HHIPL1: variants seen among roughly 807,000 people sequenced by gnomAD.
The protein encoded by HHIPL1 is HHIP like 1.
Under a neutral mutation model 61.8 loss-of-function variants are expected in HHIPL1, and 43 were observed. That is an observed-to-expected ratio of 0.70 (90% CI 0.55 to 0.90). The LOEUF (loss-of-function observed/expected upper bound fraction) is 0.90, where lower values mean the gene tolerates loss of function less well. Ranked by LOEUF, HHIPL1 falls within the 40% of genes least tolerant of loss-of-function variation. The probability of loss-of-function intolerance (pLI) is 0.00; values close to 1 mark genes in which losing one functional copy is unlikely to be tolerated. For missense variants in HHIPL1, 1,056 were observed against 1,157.7 expected (o/e 0.91, Z 1.28); for synonymous variants, 482 against 515.8 (o/e 0.93, Z 0.89).
chr14:99,666,154 A>G (rs575894543), intron 6 of HHIPL1, among the ~76,000 whole-genome samples: 2 of 152,268 alleles, frequency 1.3e-5, no homozygotes, highest in East Asian at 1.9e-4. Context: ...TTTAGGTTCT[A>G]TGACTGGCTT....
the HHIPL1 span, among the ~76,000 whole-genome samples, chr14:99,628,457 T>C: frequency 6.6e-6 from 1 of 151,670 alleles, no homozygotes; most frequent in Non-Finnish European, 1.5e-5. Context: ...GGCGGGCATC[T>C]GTAATCCCAG....
intron 5 of HHIPL1, 85 bp from the exon 6 acceptor site, chr14:99,662,791 A>G: frequency 8.0e-7 from 1 of 1,251,106 alleles, no homozygotes. Context: ...GGATACATGG[A>G]TGGATGGATG....
chr14:99,652,799 T>C lies in HHIPL1; in HGVS notation c.831T>C (p.Ser277=), dbSNP rs755339094. 6.8e-6 allele frequency: 11 copies of C among 1,614,046 alleles called. No individual in the cohort carries two copies. In the Admixed American group the frequency reaches 1.8e-4, roughly 27 times the overall value. ...YVYYSVGIRS[S]EWIRISEFRV... ...ACTACTCAGTGGGTATCCGCAGCAG[T>C]GAGTGGATCCGCATCAGCGAGTTCA... Residue 277 remains serine (S), a synonymous_variant, in exon 2 of 9, where the codon AGT becomes AGC. Transcript: ENST00000330710.
the HHIPL1 span, among the ~76,000 whole-genome samples, chr14:99,621,096 T>C: frequency 1.3e-5 from 2 of 152,224 alleles, no homozygotes; most frequent in African/African-American, 4.8e-5. Context: ...CTGCTCTTTA[T>C]GTTATGCCCA....
chr14:99,607,867 T>A, the HHIPL1 span, among the ~76,000 whole-genome samples: 1 of 152,124 alleles, frequency 6.6e-6, no homozygotes, highest in Non-Finnish European at 1.5e-5. Context: ...TCACTGAACA[T>A]AGAGGAAATC....
chr14:99,643,043 T>G (rs558531281), upstream of HHIPL1, among the ~76,000 whole-genome samples: 1 of 151,026 alleles, frequency 6.6e-6, no homozygotes, highest in Non-Finnish European at 1.5e-5. Context: ...CTGACTGACT[T>G]TTTTTTTTCT....
chr14:99,667,568 G>T (rs1208609935), intron 6 of HHIPL1, among the ~76,000 whole-genome samples: 1 of 152,002 alleles, frequency 6.6e-6, no homozygotes, highest in Non-Finnish European at 1.5e-5. Context: ...GATCACAGGG[G>T]GCCAAGCAGA....
chr14:99,610,408 A>T, the HHIPL1 span, among the ~76,000 whole-genome samples: 2 of 152,142 alleles, frequency 1.3e-5, no homozygotes, highest in Admixed American at 6.5e-5. Context: ...GTATCTGGGA[A>T]TCTCAGTGTT....
At chr14:99,626,199 C>T in the HHIPL1 span, among the ~76,000 whole-genome samples, 1 of 152,124 alleles carries the variant, frequency 6.6e-6, no homozygotes, top group Non-Finnish European at 1.5e-5. Flanking sequence ...CAGCAGGCAT[C>T]TGCTCTGGGC....
At chr14:99,631,037 C>T in the HHIPL1 span, among the ~76,000 whole-genome samples, 1 of 148,882 alleles carries the variant, frequency 6.7e-6, no homozygotes, top group Admixed American at 6.6e-5. Flanking sequence ...ATTCCATCTG[C>T]AGTGGCTCCA....
At chr14:99,664,269 T>C (rs1376062091) in intron 6 of HHIPL1, among the ~76,000 whole-genome samples, 1 of 152,112 alleles carries the variant, frequency 6.6e-6, no homozygotes, top group East Asian at 1.9e-4. Context: ...CAGGGCTGTG[T>C]CTGGGAAACC....
the HHIPL1 span, among the ~76,000 whole-genome samples, chr14:99,608,541 A>G: frequency 1.3e-5 from 2 of 152,202 alleles, no homozygotes; most frequent in Non-Finnish European, 2.9e-5. Context: ...TGGTATGGCC[A>G]ACAAAGTGTT....
chr14:99,659,496 TCCC>T lies in HHIPL1; in HGVS notation c.1116_1118del (p.Ile372_Pro373delinsMet). The T allele has an allele frequency of 6.5e-7, 1 of 1,539,682 alleles. No homozygotes were observed. The highest frequency in any genetic ancestry group is 8.7e-7 in the Non-Finnish European group (1 of 1,147,636). On this transcript the variant is annotated inframe_deletion, in exon 4 of 9. Transcript: ENST00000330710. ...AAGGAGCGCGGCCTGCCCTACGGCA[TCCC>T]GCCCGACAACCCGTTCGTGGGCGAC...
chr14:99,656,850 AGG>A (rs58996630), intron 2 of HHIPL1, 148 bp from the exon 3 acceptor site: 5,574 of 32,026 alleles, frequency 0.17, 1,430 homozygotes, highest in South Asian at 0.33. Context: ...GAAGGAAGGA[AGG>A]AAGGAAGGAA....
intron 6 of HHIPL1, among the ~76,000 whole-genome samples, chr14:99,663,306 A>G (rs906119749): frequency 6.6e-6 from 1 of 152,208 alleles, no homozygotes; most frequent in African/African-American, 2.4e-5. Context: ...CACTCCATAG[A>G]CAGAGCAGTC....
chr14:99,640,681 G>T (rs1052771029), upstream of HHIPL1, among the ~76,000 whole-genome samples: 1 of 152,096 alleles, frequency 6.6e-6, no homozygotes, highest in East Asian at 1.9e-4. Context: ...CCTAATAAAA[G>T]TCTACCTTCA....
At chr14:99,610,043 G>T in the HHIPL1 span, among the ~76,000 whole-genome samples, 1 of 152,172 alleles carries the variant, frequency 6.6e-6, no homozygotes, top group African/African-American at 2.4e-5. Flanking sequence ...TAAAGAGATT[G>T]ATGGGGGCTG....
the HHIPL1 span, among the ~76,000 whole-genome samples, chr14:99,634,838 T>C: frequency 6.6e-6 from 1 of 152,180 alleles, no homozygotes; most frequent in Non-Finnish European, 1.5e-5. Flanking sequence ...GGGAGTGCTG[T>C]TGTTTTTCAT....
At position 99,662,917 on chromosome 14, in the gene HHIPL1, G is replaced by T; in HGVS notation, c.1544G>T (p.Trp515Leu). The change falls in exon 6 of 9, where the codon TGG becomes TTG. Residue 515 changes from tryptophan to leucine, a missense_variant. By Grantham distance (61) the Trp-to-Leu change is moderately conservative. Coordinates refer to ENST00000330710, the MANE Select transcript of HHIPL1 (RefSeq NM_001127258.3). ...CAAGAGAACCCAGGGACAGGCCAGT[G>T]GCAGTACAGTGAGATCTGCATGGGC... The part of the protein sequence containing the change: ...SLQENPGTGQ[W>L]QYSEICMGHG... 6.2e-7 allele frequency: 1 copy of T among 1,613,526 alleles called. No individual in the cohort carries two copies. Among genetic ancestry groups the T allele is most frequent in the South Asian group, 1.1e-5 (1 of 90,946 alleles).
Sources: allele counts gnomAD v4.1 joint callset (sites outside exome capture counted in the v4.1 genomes callset), GRCh38; gene constraint gnomAD v4.1.1; transcripts MANE v1.5; gene names NCBI Gene and HGNC (gene_info 2026-07-23, HGNC 2026-07-21).